Variants in ATP2B1 observed in about 807,000 individuals in gnomAD.
The protein encoded by ATP2B1 is plasma membrane calcium-transporting ATPase 1.
In ATP2B1, 14 loss-of-function variants were observed where a neutral mutation model predicts 124.2. The observed-to-expected ratio is 0.11, with a 90% CI of 0.07 to 0.18. The LOEUF (loss-of-function observed/expected upper bound fraction) is 0.18. Among genes scored for constraint, ATP2B1 ranks in the 10% least tolerant of loss-of-function variants. The pLI is 1.00. For missense variants in ATP2B1, 763 were observed against 1,466.1 expected (o/e 0.52, Z 7.83); for synonymous variants, 449 against 492.4 (o/e 0.91, Z 1.17).
chr12:89,623,605 T>C (rs1485793462), intron 9 of ATP2B1, among the ~76,000 whole-genome samples: 1 of 152,122 alleles, frequency 6.6e-6, no homozygotes, highest in Non-Finnish European at 1.5e-5. Flanking sequence ...AAGGAACAAG[T>C]GGGCTCTGAA....
At chr12:89,601,277 A>T (rs550404772) in intron 19 of ATP2B1, 49 bp downstream of exon 19, 110 of 668,000 alleles carry the variant, frequency 1.6e-4, no homozygotes, top group East Asian at 4.1e-4. Context: ...ACTAGAAATT[A>T]AAAAAAAAAA....
At chr12:89,648,294 T>C (rs915546512) in intron 2 of ATP2B1, among the ~76,000 whole-genome samples, 3 of 152,162 alleles carry the variant, frequency 2.0e-5, no homozygotes, top group African/African-American at 2.4e-5. Flanking sequence ...GATAGAGATA[T>C]AAACACTGAA....
rs769705538 is a variant in ATP2B1, at chr12:89,642,243, T to C, written c.321A>G (p.Gln107=). The change falls in exon 3 of 21, where the codon CAA becomes CAG. Residue 107 remains glutamine, a synonymous_variant. Coordinates refer to ENST00000428670, the MANE Select transcript of ATP2B1 (RefSeq NM_001366521.1). ...TFLQLVWEAL[Q]DVTLIILEIA... ...TTTCTAATATAATTAAAGTGACATC[T>C]TGTAATGCTTCCCATACTAATTGAA... 1 of 1,613,738 alleles carries C rather than the reference T, an allele frequency of 6.2e-7. No individual in the cohort carries two copies. Among genetic ancestry groups the C allele is most frequent in the South Asian group, 1.1e-5 (1 of 91,082 alleles).
At chr12:89,671,518 C>CT (rs745624770) in intron 1 of ATP2B1, among the ~76,000 whole-genome samples, 24 of 152,292 alleles carry the variant, frequency 1.6e-4, no homozygotes, top group Non-Finnish European at 2.8e-4. Context: ...TACATGGATC[C>CT]TTTCGCCTAA....
At chr12:89,690,604 G>A (rs1255051535) in intron 1 of ATP2B1, among the ~76,000 whole-genome samples, 4 of 150,972 alleles carry the variant, frequency 2.6e-5, no homozygotes, top group Admixed American at 1.3e-4. Context: ...TAATAAACAC[G>A]TATTTTACCA....
Position 89,624,352 on chromosome 12 carries a change from A to G in ATP2B1, c.1175T>C (p.Phe392Ser), listed in dbSNP as rs1565833597. The G allele has an allele frequency of 6.2e-7, 1 of 1,614,124 alleles. No individual in the cohort carries two copies. Among genetic ancestry groups the G allele is most frequent in the East Asian group, 2.2e-5 (1 of 44,872 alleles). The change falls in exon 9 of 21, where the codon TTT (phenylalanine) becomes TCT (serine). Residue 392 changes from phenylalanine to serine, a missense_variant. Phe to Ser is a radical substitution (Grantham distance 155, BLOSUM62 -2). Around this residue, in one of 7 missense-constraint regions of ATP2B1, gnomAD observed 392 missense variants for 776.6 expected, o/e 0.50. Coordinates refer to ENST00000428670, the MANE Select transcript of ATP2B1 (RefSeq NM_001366521.1). ...AITVIILVLYFVIDTFWVQKR... is the reference protein window; with the variant it reads ...AITVIILVLYSVIDTFWVQKR... The stretch of plus-strand genomic sequence containing the variant: ...CTGAACCCAGAAGGTGTCAATGACA[A>G]AATATAATACTAGAATGATAACTGT...
chr12:89,662,002 G>A (rs1189714350), intron 1 of ATP2B1, among the ~76,000 whole-genome samples: 1 of 152,034 alleles, frequency 6.6e-6, no homozygotes, highest in African/African-American at 2.4e-5. Flanking sequence ...TCCTATAGAA[G>A]GTTTGGATAG....
chr12:89,707,596 G>A (rs1361031382), intron 1 of ATP2B1, among the ~76,000 whole-genome samples: 2 of 152,154 alleles, frequency 1.3e-5, no homozygotes, highest in Non-Finnish European at 2.9e-5. Flanking sequence ...CAAAGAAAAG[G>A]TAAATATCAG....
intron 15 of ATP2B1, among the ~76,000 whole-genome samples, chr12:89,606,120 C>A (rs959660315): frequency 2.6e-5 from 4 of 151,330 alleles, no homozygotes; most frequent in Non-Finnish European, 4.4e-5. Context: ...ACAGTAAGGA[C>A]TGAATATTGA....
chr12:89,687,123 A>G (rs952413955), intron 1 of ATP2B1, among the ~76,000 whole-genome samples: 5 of 152,150 alleles, frequency 3.3e-5, no homozygotes, highest in Non-Finnish European at 7.4e-5. Context: ...TAGGTATTAT[A>G]AGCAATCTAG....
At chr12:89,645,548 T>G (rs1186708443) in intron 2 of ATP2B1, among the ~76,000 whole-genome samples, 1 of 152,148 alleles carries the variant, frequency 6.6e-6, no homozygotes, top group Non-Finnish European at 1.5e-5. Context: ...CATTAGCCTT[T>G]CTAAGGAGCT....
chr12:89,674,283 A>G (rs1300558852), intron 1 of ATP2B1, among the ~76,000 whole-genome samples: 1 of 151,996 alleles, frequency 6.6e-6, no homozygotes, highest in Admixed American at 6.6e-5. Flanking sequence ...TTCATAGTTC[A>G]GTAAAAAAGG....
At chr12:89,669,525 C>T (rs1273781187) in intron 1 of ATP2B1, among the ~76,000 whole-genome samples, 5 of 152,168 alleles carry the variant, frequency 3.3e-5, no homozygotes, top group Non-Finnish European at 5.9e-5. Flanking sequence ...GAACAACTTA[C>T]GTAGTGCTTC....
intron 20 of ATP2B1, among the ~76,000 whole-genome samples, chr12:89,592,911 G>C (rs1873863055): frequency 6.6e-6 from 1 of 151,874 alleles, no homozygotes. Context: ...AACCTCCAAG[G>C]TGATGCTAAA....
chr12:89,696,270 G>C (rs562840121), intron 1 of ATP2B1, among the ~76,000 whole-genome samples: 12 of 152,116 alleles, frequency 7.9e-5, no homozygotes, highest in Non-Finnish European at 1.6e-4. Flanking sequence ...CTCAGAGAAA[G>C]GAGACTGGAA....
chr12:89,593,901 T>C (rs954485938), intron 20 of ATP2B1: 1 of 152,022 alleles, frequency 6.6e-6, no homozygotes. Context: ...CTAAAGAGTC[T>C]TAAAACCTAG....
Position 89,599,317 on chromosome 12 carries a change from G to A in ATP2B1, c.3169-18C>T. On this transcript the variant is annotated intron_variant, in intron 19 of 20. Transcript: ENST00000428670. Reference sequence around the variant, plus strand: ...GAAATAAGCTACAACACAGGGGAATGAACTTAGAAATAAATCATATCAAGT... The same window carrying A: ...GAAATAAGCTACAACACAGGGGAATAAACTTAGAAATAAATCATATCAAGT... 1 of 1,610,496 alleles carries A rather than the reference G, an allele frequency of 6.2e-7. No individual in the cohort carries two copies. Among genetic ancestry groups the A allele is most frequent in the Non-Finnish European group, 8.5e-7 (1 of 1,178,018 alleles).
At chr12:89,642,033 C>T (rs1345422203) in intron 3 of ATP2B1, 125 bp downstream of exon 3, 2 of 944,664 alleles carry the variant, frequency 2.1e-6, no homozygotes, top group African/African-American at 3.3e-5. Flanking sequence ...ATTTAAGGTA[C>T]TTAGAACAGT....
At chr12:89,699,954 CCTA>C (rs1891633929) in intron 1 of ATP2B1, among the ~76,000 whole-genome samples, 1 of 152,038 alleles carries the variant, frequency 6.6e-6, no homozygotes, top group Admixed American at 6.5e-5. Context: ...AAGCGATCCT[CCTA>C]CCTCAGCCTC....
Sources: gnomAD v4.1 joint callset for allele counts (sites outside exome capture counted in the v4.1 genomes callset) on GRCh38, gnomAD v4.1.1 for gene constraint, gnomAD v4.1.1 regional missense constraint, MANE v1.5 for transcripts, NCBI Gene and HGNC (gene_info 2026-07-23, HGNC 2026-07-21) for gene names.